The following KHDRBS2 variants were observed in gnomAD, a reference collection of about 807,000 sequenced individuals.
The protein encoded by KHDRBS2 is KH domain-containing, RNA-binding, signal transduction-associated protein 2.
A neutral mutation model predicts 44.3 loss-of-function variants in KHDRBS2; 26 were observed. The observed-to-expected ratio is 0.59, with a 90% CI of 0.43 to 0.81. KHDRBS2 has a LOEUF of 0.81. Ranked by LOEUF, KHDRBS2 falls within the 40% of genes least tolerant of loss-of-function variation. The pLI, the probability that KHDRBS2 is intolerant of heterozygous loss-of-function variation, is 0.00. For missense variants in KHDRBS2, 476 were observed against 433.1 expected, an observed-to-expected ratio of 1.10 and a Z score of -0.88; for synonymous variants, 194 against 151.1, an observed-to-expected ratio of 1.28 and a Z score of -2.08.
At chr6:62,083,615 T>C (rs894379411) in intron 2 of KHDRBS2, among the ~76,000 whole-genome samples, 5 of 152,150 alleles carry the variant, frequency 3.3e-5, no homozygotes, top group Non-Finnish European at 7.4e-5. Flanking sequence ...GGAGTTCTGC[T>C]CCTGCCAGTT....
rs76051169 is a variant in KHDRBS2, at chr6:62,185,919, C to T, written c.92-8607G>A. On this transcript the variant is annotated intron_variant, in intron 1 of 8. Transcript: ENST00000281156. Reference sequence around the variant, plus strand: ...TAAATATTCAGGTTGTACTATTTTGCGTATAAGATAAGACCACAACCTAAC... The same window carrying T: ...TAAATATTCAGGTTGTACTATTTTGTGTATAAGATAAGACCACAACCTAAC... 2.1e-3 allele frequency among the ~76,000 whole-genome samples: 321 copies of T among 152,044 alleles called. 1 individual carries two copies. Among genetic ancestry groups the T allele is most frequent in the Admixed American group, 3.7e-3 (57 of 15,230 alleles).
intron 1 of KHDRBS2, among the ~76,000 whole-genome samples, chr6:62,214,564 CACTGAAAAA>C (rs1443585573): frequency 6.6e-6 from 1 of 151,710 alleles, no homozygotes; most frequent in Non-Finnish European, 1.5e-5. Flanking sequence ...CACTTGAGGG[CACTGAAAAA>C]GAAACAGAAG....
intron 4 of KHDRBS2, among the ~76,000 whole-genome samples, chr6:61,955,186 G>A (rs1443553433): frequency 3.5e-5 from 5 of 141,650 alleles, no homozygotes; most frequent in African/African-American, 5.2e-5. Context: ...ATACACATAC[G>A]TTTGTATGTA....
At chr6:62,166,441 A>T (rs572041042) in intron 2 of KHDRBS2, among the ~76,000 whole-genome samples, 1 of 152,176 alleles carries the variant, frequency 6.6e-6, no homozygotes, top group South Asian at 2.1e-4. Context: ...ATTGTGTATT[A>T]CATAAATTTA....
chr6:62,217,810 T>C (rs1376733972), intron 1 of KHDRBS2, among the ~76,000 whole-genome samples: 4 of 151,856 alleles, frequency 2.6e-5, no homozygotes, highest in Non-Finnish European at 5.9e-5. Flanking sequence ...CATCAAAATA[T>C]AGAATCCTGA....
chr6:62,142,814 A>C (rs1003954814), intron 2 of KHDRBS2, among the ~76,000 whole-genome samples: 1 of 151,442 alleles, frequency 6.6e-6, no homozygotes, highest in Non-Finnish European at 1.5e-5. Context: ...AGAAAACATT[A>C]TTATTATATA....
the KHDRBS2 span, among the ~76,000 whole-genome samples, chr6:61,572,454 C>T: frequency 6.6e-6 from 1 of 151,958 alleles, no homozygotes; most frequent in Non-Finnish European, 1.5e-5. Context: ...GGAATCTCCC[C>T]TGAATAATTC....
In KHDRBS2 at chr6:61,868,333, C is replaced by T. The variant is rs916866504; in HGVS notation, c.810+26302G>A. 3.9e-5 allele frequency among the ~76,000 whole-genome samples: 6 copies of T among 152,278 alleles called. No homozygotes were observed. In the South Asian group the frequency reaches 6.2e-4, roughly 16 times the overall value. On this transcript the variant is annotated intron_variant, in intron 6 of 8. Coordinates refer to ENST00000281156, the MANE Select transcript of KHDRBS2 (RefSeq NM_152688.4). ...CAAACAGCAAAGGTGGCAGACCTCC[C>T]CTCCCTGCCAGGCACTCCATCCCAG...
chr6:62,001,758 T>A (rs184497024), intron 3 of KHDRBS2, among the ~76,000 whole-genome samples: 136 of 152,246 alleles, frequency 8.9e-4, no homozygotes, highest in Non-Finnish European at 1.7e-3. Context: ...TAATGATACA[T>A]ACAGAAGTTG....
At chr6:62,087,118 T>G (rs1798539354) in intron 2 of KHDRBS2, among the ~76,000 whole-genome samples, 1 of 151,920 alleles carries the variant, frequency 6.6e-6, no homozygotes, top group Admixed American at 6.6e-5. Context: ...AAATATAAGT[T>G]CACATGAAAA....
At chr6:61,815,663 C>T (rs1333799041) in intron 6 of KHDRBS2, among the ~76,000 whole-genome samples, 1 of 151,974 alleles carries the variant, frequency 6.6e-6, no homozygotes, top group Non-Finnish European at 1.5e-5. Flanking sequence ...CACTTCTATC[C>T]CTGAAGTAAT....
intron 4 of KHDRBS2, among the ~76,000 whole-genome samples, chr6:61,968,768 G>A (rs1770677502): frequency 6.6e-6 from 1 of 151,938 alleles, no homozygotes; most frequent in Non-Finnish European, 1.5e-5. Context: ...CCTTGATGAG[G>A]AGGCATCTGA....
At chr6:61,563,656 C>T in the KHDRBS2 span, among the ~76,000 whole-genome samples, 11 of 152,016 alleles carry the variant, frequency 7.2e-5, no homozygotes, top group African/African-American at 2.7e-4. Flanking sequence ...TTAGTCACAG[C>T]CCTTTTTACC....
chr6:61,963,655 T>G (rs1769258544), intron 4 of KHDRBS2, among the ~76,000 whole-genome samples: 1 of 152,008 alleles, frequency 6.6e-6, no homozygotes, highest in South Asian at 2.1e-4. Flanking sequence ...AAATAATATT[T>G]TGGGAAATGA....
chr6:62,061,484 G>C (rs376786723), intron 2 of KHDRBS2, among the ~76,000 whole-genome samples: 2 of 150,410 alleles, frequency 1.3e-5, no homozygotes, highest in Non-Finnish European at 3.0e-5. Context: ...TTTTCTTTAA[G>C]AATGTTGAAT....
the KHDRBS2 span, among the ~76,000 whole-genome samples, chr6:61,646,944 C>T: frequency 6.6e-6 from 1 of 151,986 alleles, no homozygotes; most frequent in Non-Finnish European, 1.5e-5. Flanking sequence ...CTCAGCTTCC[C>T]AAGTAGTTGG....
chr6:62,069,909 T>C (rs1794589160), intron 2 of KHDRBS2, among the ~76,000 whole-genome samples: 1 of 151,838 alleles, frequency 6.6e-6, no homozygotes, highest in Non-Finnish European at 1.5e-5. Flanking sequence ...TAAAGTACAC[T>C]AGTATCTACA....
intron 2 of KHDRBS2, among the ~76,000 whole-genome samples, chr6:62,048,396 C>A (rs541531833): frequency 2.0e-5 from 3 of 151,658 alleles, no homozygotes; most frequent in Non-Finnish European, 4.4e-5. Context: ...GTCTATGAAC[C>A]TTCAAAATTG....
At chr6:61,978,659 T>C (rs1332846708) in intron 3 of KHDRBS2, among the ~76,000 whole-genome samples, 1 of 152,118 alleles carries the variant, frequency 6.6e-6, no homozygotes, top group Non-Finnish European at 1.5e-5. Context: ...TTAGGAAGGT[T>C]ACTTGATTGT....
Sources: gnomAD v4.1 joint callset for allele counts (sites outside exome capture counted in the v4.1 genomes callset) on GRCh38, gnomAD v4.1.1 for gene constraint, MANE v1.5 for transcripts, NCBI Gene and HGNC (gene_info 2026-07-23, HGNC 2026-07-21) for gene names.